PPP1R9A: variants seen among roughly 807,000 people sequenced by gnomAD.
PPP1R9A encodes neurabin-1.
PPP1R9A carries 59 observed loss-of-function variants against 141.9 expected under a neutral mutation model. The ratio of observed to expected loss-of-function variants is 0.42; its 90% CI spans 0.34 to 0.52. The LOEUF (loss-of-function observed/expected upper bound fraction) is 0.52. Ranked by LOEUF, PPP1R9A falls within the 20% of genes least tolerant of loss-of-function variation. PPP1R9A has a pLI of 0.10. For synonymous variants in PPP1R9A, 500 were observed against 569.7 expected, an observed-to-expected ratio of 0.88 and a Z score of 1.74; for missense variants, 1,444 against 1,611.9, an observed-to-expected ratio of 0.90 and a Z score of 1.78.
chr7:95,239,229 T>C (rs937513421), intron 8 of PPP1R9A, among the ~76,000 whole-genome samples: 1 of 152,214 alleles, frequency 6.6e-6, no homozygotes, highest in Non-Finnish European at 1.5e-5. Context: ...CAGCTTTGGT[T>C]ATCTATGTTG....
At chr7:95,115,143 A>G (rs1490353928) in intron 3 of PPP1R9A, among the ~76,000 whole-genome samples, 1 of 152,148 alleles carries the variant, frequency 6.6e-6, no homozygotes, top group Non-Finnish European at 1.5e-5. Flanking sequence ...CATTGAATAC[A>G]TCTATAAAAT....
At chr7:95,094,646 A>G (rs909472578) in intron 2 of PPP1R9A, among the ~76,000 whole-genome samples, 10 of 152,014 alleles carry the variant, frequency 6.6e-5, no homozygotes, top group Admixed American at 6.6e-4. Flanking sequence ...TTGGGAGGCC[A>G]AGGCACGTGG....
chr7:95,227,310 C>A (rs1795276112), intron 8 of PPP1R9A, among the ~76,000 whole-genome samples: 1 of 152,116 alleles, frequency 6.6e-6, no homozygotes, highest in Admixed American at 6.6e-5. Flanking sequence ...GAGTATGACC[C>A]CTAGTCTTTG....
At chr7:95,186,391 T>C (rs1834658113) in intron 5 of PPP1R9A, among the ~76,000 whole-genome samples, 1 of 152,174 alleles carries the variant, frequency 6.6e-6, no homozygotes, top group South Asian at 2.1e-4. Flanking sequence ...ACTGAACTTA[T>C]TTGTCAGATC....
chr7:94,989,893 T>G (rs1013922206), intron 2 of PPP1R9A, among the ~76,000 whole-genome samples: 16 of 152,118 alleles, frequency 1.1e-4, no homozygotes, highest in African/African-American at 3.9e-4. Context: ...TAAATATGCA[T>G]TTATATAATA....
intron 2 of PPP1R9A, among the ~76,000 whole-genome samples, chr7:95,068,798 G>A (rs1302660461): frequency 1.3e-5 from 2 of 152,096 alleles, no homozygotes. Flanking sequence ...GGTGAAGAGG[G>A]GACCTAGGCC....
chr7:94,940,305 C>T (rs1402901322), intron 2 of PPP1R9A, among the ~76,000 whole-genome samples: 2 of 151,702 alleles, frequency 1.3e-5, no homozygotes, highest in South Asian at 4.2e-4. Flanking sequence ...TATTTTTTTT[C>T]CATTTAGCAG....
At chr7:95,268,780 A>G in intron 13 of PPP1R9A, 73 bp downstream of exon 13, 1 of 1,537,154 alleles carries the variant, frequency 6.5e-7, no homozygotes, top group Non-Finnish European at 8.8e-7. Context: ...ATTGAAGATT[A>G]TGATTTTTCT....
chr7:94,994,706 C>T (rs1450790509), intron 2 of PPP1R9A, among the ~76,000 whole-genome samples: 2 of 151,966 alleles, frequency 1.3e-5, no homozygotes, highest in East Asian at 3.9e-4. Flanking sequence ...CCATCCTGGC[C>T]AACATGGTGA....
At position 94,981,918 on chromosome 7, in the gene PPP1R9A, G is replaced by A. The variant is rs190223425; in HGVS notation, c.1395+70410G>A. On this transcript the variant is annotated intron_variant, in intron 2 of 19. Transcript: ENST00000433360. The stretch of plus-strand genomic sequence containing the variant: ...TATACACGTGCCATGTTGGTTTGCC[G>A]CACCCATTAACTCATCATTTACATT... Among the ~76,000 whole-genome samples, 610 of 151,880 alleles carry A rather than the reference G, an allele frequency of 4.0e-3. 4 individuals carry two copies. The highest frequency in any genetic ancestry group is 0.014 in the African/African-American group (563 of 41,402).
rs78428541 is a variant in PPP1R9A at position 95,066,825 on chromosome 7, G to A, written c.1396-44434G>A. ...TACTGAGATTGTCCTAGAGCTAGAC[G>A]TGAGTGAATATTGAGATAGAAAGCC... On this transcript the variant is annotated intron_variant, in intron 2 of 19. Transcript: ENST00000433360. 1.8e-3 allele frequency among the ~76,000 whole-genome samples: 267 copies of A among 152,264 alleles called. 2 individuals are homozygous for A. The East Asian group carries it at 0.033, about 19-fold the overall frequency.
chr7:94,934,919 T>C (rs891887691), intron 2 of PPP1R9A, among the ~76,000 whole-genome samples: 2 of 151,972 alleles, frequency 1.3e-5, no homozygotes, highest in Non-Finnish European at 2.9e-5. Context: ...TATTCACAGG[T>C]GTGGTCATAA....
chr7:95,013,981 C>T (rs1804764195), intron 2 of PPP1R9A, among the ~76,000 whole-genome samples: 1 of 151,976 alleles, frequency 6.6e-6, no homozygotes, highest in Admixed American at 6.6e-5. Context: ...GTTTTCTCTG[C>T]CTTCTTCTTT....
At chr7:95,266,322 TGTC>T (rs1801276694) in intron 12 of PPP1R9A, among the ~76,000 whole-genome samples, 1 of 133,432 alleles carries the variant, frequency 7.5e-6, no homozygotes, top group Non-Finnish European at 1.8e-5. Context: ...CTTTTCAACA[TGTC>T]ATCCTTTTTT....
rs957293587 is a variant in PPP1R9A at position 95,290,409 on chromosome 7, T to A, written c.*106T>A. On this transcript the variant is annotated 3_prime_UTR_variant, in exon 20 of 20. Coordinates refer to ENST00000433360, the MANE Select transcript of PPP1R9A (RefSeq NM_001166160.2). Reference sequence around the variant, plus strand: ...AAAAGAAACTAAATGATAAGGGTAATGCGGCTCTAGGCCGGCTGAGGAACT... The same window carrying A: ...AAAAGAAACTAAATGATAAGGGTAAAGCGGCTCTAGGCCGGCTGAGGAACT... 1.5e-4 allele frequency: 196 copies of A among 1,286,910 alleles called. 1 individual carries two copies. The highest frequency in any genetic ancestry group is 1.7e-4 in the Non-Finnish European group (166 of 949,124). 79.7% of individuals were successfully genotyped at this position (1,286,910 alleles called of 1,614,324 possible). A position where few individuals can be genotyped will look rare whatever the true frequency, so the allele number is the denominator to read the frequency against.
At chr7:95,233,329 T>A (rs1490967156) in intron 8 of PPP1R9A, among the ~76,000 whole-genome samples, 1 of 146,822 alleles carries the variant, frequency 6.8e-6, no homozygotes, top group Non-Finnish European at 1.5e-5. Flanking sequence ...TGAGAAGATA[T>A]GGGCACAGGG....
At chr7:95,126,553 A>C (rs1327512568) in intron 4 of PPP1R9A, among the ~76,000 whole-genome samples, 1 of 152,196 alleles carries the variant, frequency 6.6e-6, no homozygotes, top group African/African-American at 2.4e-5. Context: ...TCCAGTCGAC[A>C]GTATTTCCAG....
intron 12 of PPP1R9A, among the ~76,000 whole-genome samples, chr7:95,255,728 A>G (rs1799487559): frequency 6.6e-6 from 1 of 152,162 alleles, no homozygotes. Flanking sequence ...TTCAAAGAAG[A>G]GAAAATTGAA....
chr7:95,278,279 A>T (rs1803565788), intron 16 of PPP1R9A, among the ~76,000 whole-genome samples: 1 of 152,194 alleles, frequency 6.6e-6, no homozygotes, highest in East Asian at 1.9e-4. Context: ...ATATTGGGAT[A>T]TGTGTAGGAG....
Sources: gnomAD v4.1 joint callset for allele counts (sites outside exome capture counted in the v4.1 genomes callset) on GRCh38, gnomAD v4.1.1 for gene constraint, MANE v1.5 for transcripts, NCBI Gene and HGNC (gene_info 2026-07-23, HGNC 2026-07-21) for gene names.